The following AGAP1 variants were observed in gnomAD, a reference collection of about 807,000 sequenced individuals.
AGAP1 encodes the protein arf-GAP with GTPase, ANK repeat and PH domain-containing protein 1.
A neutral mutation model predicts 105.3 loss-of-function variants in AGAP1; 29 were observed. The ratio of observed to expected loss-of-function variants is 0.28; its 90% CI spans 0.21 to 0.38. The LOEUF is 0.38. Ranked by LOEUF, AGAP1 falls within the 10% of genes least tolerant of loss-of-function variation. AGAP1 has a pLI of 1.00. For synonymous variants in AGAP1, 509 were observed against 485.9 expected (o/e 1.05, Z -0.63); for missense variants, 998 against 1,165.1 (o/e 0.86, Z 2.09).
rs867483042 is a variant in AGAP1 at position 235,732,199 on chromosome 2, C to T, written c.311-8764C>T. Among the ~76,000 whole-genome samples the T allele has an allele frequency of 4.6e-5, 7 of 152,260 alleles. No individual in the cohort carries two copies. The highest frequency in any genetic ancestry group is 3.4e-3 in the Middle Eastern group (1 of 294). On this transcript the variant is annotated intron_variant, in intron 3 of 17. Transcript: ENST00000304032. This position sits in a 1 kb window ranked among gnomAD's most constrained non-coding sequence, Gnocchi z 4.8. ...TGTTGTGGATGTGTTGTCAGAGATA[C>T]CATTTATCCTTTTGTTTAGGTCCGT... is the stretch of plus-strand genomic sequence containing the variant.
At chr2:235,717,173 C>T (rs1951156833) in intron 2 of AGAP1, among the ~76,000 whole-genome samples, 1 of 152,320 alleles carries the variant, frequency 6.6e-6, no homozygotes, top group East Asian at 1.9e-4. Flanking sequence ...ACGTCACTCA[C>T]CTCTGCCCTC....
At chr2:235,656,650 GAC>G (rs371279440) in intron 1 of AGAP1, among the ~76,000 whole-genome samples, 332 of 152,286 alleles carry the variant, frequency 2.2e-3, no homozygotes, top group African/African-American at 7.4e-3. Flanking sequence ...ACAGGGGAAC[GAC>G]ACAGCAGCAG....
In AGAP1 at chr2:235,633,834, GA is replaced by G. The variant is rs1946906529; in HGVS notation, c.164-75344del. ...GGGGAAAAGGGGTTTTGGTTTCTAT[GA>G]CCTGTCTTAGGGATGAAGAATTCTA... On this transcript the variant is annotated intron_variant, in intron 1 of 17. Coordinates refer to ENST00000304032, the MANE Select transcript of AGAP1 (RefSeq NM_001037131.3). The surrounding 1 kb of genome is among the most constrained non-coding windows in gnomAD (Gnocchi z 4.8). 6.6e-6 allele frequency among the ~76,000 whole-genome samples: 1 copy of G among 152,168 alleles called. No homozygotes were observed. The highest frequency in any genetic ancestry group is 6.5e-5 in the Admixed American group (1 of 15,270).
At position 235,716,753 on chromosome 2, in the gene AGAP1, C is replaced by T. The variant is rs917731975; in HGVS notation, c.223-804C>T. 2.0e-5 allele frequency among the ~76,000 whole-genome samples: 3 copies of T among 151,992 alleles called. No individual in the cohort carries two copies. The highest frequency in any genetic ancestry group is 2.0e-4 in the Admixed American group (3 of 15,266). ...GGGAAAGGGAGGCTCCCTGTAGGAT[C>T]GGCCACTTGGAGGCTGGGAGGCCAG... is the stretch of plus-strand genomic sequence containing the variant. On this transcript the variant is annotated intron_variant, in intron 2 of 17. Coordinates refer to ENST00000304032, the MANE Select transcript of AGAP1 (RefSeq NM_001037131.3). This position sits in a 1 kb window ranked among gnomAD's most constrained non-coding sequence, Gnocchi z 4.0.
intron 3 of AGAP1, among the ~76,000 whole-genome samples, chr2:235,738,061 G>C (rs552851986): frequency 6.6e-6 from 1 of 152,054 alleles, no homozygotes; most frequent in Non-Finnish European, 1.5e-5. Context: ...GGGTCGGGAC[G>C]GTGTGGCGGC....
chr2:235,523,545 CG>C (rs1197831360), intron 1 of AGAP1, among the ~76,000 whole-genome samples: 1 of 152,138 alleles, frequency 6.6e-6, no homozygotes, highest in Non-Finnish European at 1.5e-5. Context: ...TGTCATGGTA[CG>C]TGCTGTCCGC....
intron 6 of AGAP1, among the ~76,000 whole-genome samples, chr2:235,772,719 G>A (rs1234751393): frequency 6.6e-6 from 1 of 152,224 alleles, no homozygotes; most frequent in Non-Finnish European, 1.5e-5. Context: ...AGAGTTCATT[G>A]TCACAGGACT....
At chr2:236,052,590 C>G (rs2057936184) in intron 16 of AGAP1, among the ~76,000 whole-genome samples, 1 of 152,138 alleles carries the variant, frequency 6.6e-6, no homozygotes, top group Non-Finnish European at 1.5e-5. Flanking sequence ...CTGACGGCGG[C>G]TGAAGCAGTA....
Position 236,089,440 on chromosome 2 carries a change from C to G in AGAP1, c.2115-30752C>G, listed in dbSNP as rs2059006254. Among the ~76,000 whole-genome samples the G allele has an allele frequency of 6.6e-6, 1 of 152,202 alleles. No homozygotes were observed. The highest frequency in any genetic ancestry group is 1.5e-5 in the Non-Finnish European group (1 of 68,036). On this transcript the variant is annotated intron_variant, in intron 16 of 17. Coordinates refer to ENST00000304032, the MANE Select transcript of AGAP1 (RefSeq NM_001037131.3). This position sits in a 1 kb window ranked among gnomAD's most constrained non-coding sequence, Gnocchi z 5.6. ...TGAACTGCATGCTGGAGATAAAGCG[C>G]CTACTAGGCTGCCGGGTACTGGCAG...
chr2:236,122,372 A>C (rs73127554), intron 17 of AGAP1, among the ~76,000 whole-genome samples: 332 of 151,992 alleles, frequency 2.2e-3, no homozygotes, highest in Non-Finnish European at 4.1e-3. Context: ...GGACTTAAAC[A>C]TGTGAATTGT....
chr2:236,077,277 G>A (rs555658764), intron 16 of AGAP1, among the ~76,000 whole-genome samples: 73 of 150,006 alleles, frequency 4.9e-4, no homozygotes, highest in African/African-American at 1.8e-3. Flanking sequence ...CCTTTTTTGG[G>A]CTAAAACTAT....
intron 16 of AGAP1, among the ~76,000 whole-genome samples, chr2:236,070,197 C>T (rs552277480): frequency 1.3e-5 from 2 of 152,378 alleles, no homozygotes; most frequent in East Asian, 3.9e-4. Context: ...TGGAAGTGGA[C>T]CTGCTAGTTC....
At chr2:235,806,229 T>C (rs903669703) in intron 8 of AGAP1, among the ~76,000 whole-genome samples, 7 of 152,328 alleles carry the variant, frequency 4.6e-5, no homozygotes, top group Non-Finnish European at 8.8e-5. Flanking sequence ...ATATATCATC[T>C]CAGATTTGAA....
At position 236,104,869 on chromosome 2, in the gene AGAP1, C is replaced by T. The variant is rs535175507; in HGVS notation, c.2115-15323C>T. Among the ~76,000 whole-genome samples the T allele has an allele frequency of 1.3e-5, 2 of 152,148 alleles. No homozygotes were observed. The highest frequency in any genetic ancestry group is 1.3e-4 in the Admixed American group (2 of 15,288). On this transcript the variant is annotated intron_variant, in intron 16 of 17. Transcript: ENST00000304032. The surrounding 1 kb of genome is among the most constrained non-coding windows in gnomAD (Gnocchi z 4.7). ...AGCCCAAGTTCATGCCACTGCACTG[C>T]AGCCTGGGCTACAGAGCGAGACTCT...
intron 10 of AGAP1, among the ~76,000 whole-genome samples, chr2:235,902,677 G>C (rs1286945319): frequency 6.6e-6 from 1 of 152,100 alleles, no homozygotes; most frequent in African/African-American, 2.4e-5. Context: ...TCAATGTCTG[G>C]CACAGTCATT....
intron 9 of AGAP1, among the ~76,000 whole-genome samples, chr2:235,856,564 T>C (rs2048694158): frequency 6.6e-6 from 1 of 152,248 alleles, no homozygotes; most frequent in Admixed American, 6.5e-5. Flanking sequence ...GTTAATGTCC[T>C]CATCAGTCGT....
chr2:235,848,588 G>A (rs1961790875), intron 9 of AGAP1, among the ~76,000 whole-genome samples: 1 of 152,180 alleles, frequency 6.6e-6, no homozygotes, highest in Non-Finnish European at 1.5e-5. Context: ...TTACTCTCGA[G>A]AATAATACTG....
intron 9 of AGAP1, among the ~76,000 whole-genome samples, chr2:235,827,532 A>G (rs1959138500): frequency 6.6e-6 from 1 of 152,218 alleles, no homozygotes. Context: ...ATTTTGATAC[A>G]TTAATGAGCC....
At chr2:235,941,190 T>A (rs1275519219) in intron 12 of AGAP1, among the ~76,000 whole-genome samples, 1 of 152,232 alleles carries the variant, frequency 6.6e-6, no homozygotes, top group Non-Finnish European at 1.5e-5. Context: ...CAGCAACAGG[T>A]TCTTAAATTA....
Sources: gnomAD v4.1 joint callset for allele counts (sites outside exome capture counted in the v4.1 genomes callset) on GRCh38, gnomAD v4.1.1 for gene constraint, Gnocchi (gnomAD v3.1) non-coding constraint, MANE v1.5 for transcripts, NCBI Gene and HGNC (gene_info 2026-07-23, HGNC 2026-07-21) for gene names.